The following GASK1A variants were observed in gnomAD, a reference collection of about 807,000 sequenced individuals.
GASK1A encodes the protein golgi associated kinase 1A, also known as Golgi-associated kinase 1A.
In GASK1A, 40 loss-of-function variants were observed where a neutral mutation model predicts 41.2. The observed-to-expected ratio is 0.97, with a 90% CI of 0.75 to 1.27. The LOEUF (loss-of-function observed/expected upper bound fraction) is 1.27. Among genes scored for constraint, GASK1A ranks in the 50% most tolerant of loss-of-function variants. GASK1A has a pLI of 0.00. For synonymous variants in GASK1A, 316 were observed against 307.1 expected (o/e 1.03, Z -0.30); for missense variants, 678 against 745.1 (o/e 0.91, Z 1.05).
chr3:43,030,475 C>G (rs2089569259), intron 1 of GASK1A, among the ~76,000 whole-genome samples: 1 of 152,252 alleles, frequency 6.6e-6, no homozygotes, highest in African/African-American at 2.4e-5. Flanking sequence ...GTGGCTACTG[C>G]TGTTCCTGGG....
chr3:43,010,790 C>T (rs1043592248), intron 1 of GASK1A, among the ~76,000 whole-genome samples: 1 of 152,202 alleles, frequency 6.6e-6, no homozygotes, highest in African/African-American at 2.4e-5. Flanking sequence ...GTTTCCATCA[C>T]ATAATAAGAT....
chr3:43,053,685 G>C, intron 3 of GASK1A, 42 bp downstream of exon 3: 3 of 1,550,770 alleles, frequency 1.9e-6, no homozygotes, highest in Non-Finnish European at 2.6e-6. Flanking sequence ...CCCAGACCCA[G>C]GTCTTTCTGT....
At chr3:43,037,953 A>T (rs1204545977) in intron 2 of GASK1A, among the ~76,000 whole-genome samples, 1 of 152,194 alleles carries the variant, frequency 6.6e-6, no homozygotes, top group Non-Finnish European at 1.5e-5. Context: ...TCTTTCTTAA[A>T]TTTCATCACT....
At position 43,053,520 on chromosome 3, in the gene GASK1A, G is replaced by A. The variant is rs1479496659; in HGVS notation, c.1291-1G>A. 1 of 1,543,586 alleles carries A rather than the reference G, an allele frequency of 6.5e-7. No individual in the cohort carries two copies. Among genetic ancestry groups the A allele is most frequent in the Non-Finnish European group, 8.8e-7 (1 of 1,141,554 alleles). ...CCACCGAAGGCTGGGTGTCTCCACA[G>A]GTCCACGACCGCTTGGATCGCTACT... On this transcript the variant is annotated splice_acceptor_variant, in intron 2 of 4. Transcript: ENST00000430121. LOFTEE classifies it high-confidence loss of function.
intron 1 of GASK1A, among the ~76,000 whole-genome samples, chr3:43,020,394 G>A (rs1242936576): frequency 6.6e-6 from 1 of 152,124 alleles, no homozygotes; most frequent in Non-Finnish European, 1.5e-5. Flanking sequence ...ATCTTACTGG[G>A]GAAACTGGTT....
In GASK1A at chr3:43,032,358, G is replaced by A. The variant is rs1238297647; in HGVS notation, c.95G>A (p.Arg32His). Residue 32 changes from arginine (R) to histidine (H), a missense_variant, in exon 2 of 5, where the codon CGC becomes CAC. Physicochemically the swap from Arg to His is conservative, Grantham distance 29. Coordinates refer to ENST00000430121, the MANE Select transcript of GASK1A (RefSeq NM_001129908.3). ...ATCCTATCTGCGATGGCTGTCACCC[G>A]CTTTCCCCCACAGCGTCCATCCGCC... is the stretch of plus-strand genomic sequence containing the variant. ...LMILSAMAVTRFPPQRPSAGP... is the reference protein window; with the variant it reads ...LMILSAMAVTHFPPQRPSAGP... 29 of 1,551,318 alleles carry A rather than the reference G, an allele frequency of 1.9e-5. No individual in the cohort carries two copies. The highest frequency in any genetic ancestry group is 7.3e-5 in the East Asian group (3 of 40,916).
intron 1 of GASK1A, among the ~76,000 whole-genome samples, chr3:43,010,624 T>C (rs1383218469): frequency 6.6e-6 from 1 of 152,242 alleles, no homozygotes; most frequent in East Asian, 1.9e-4. Flanking sequence ...CATTCCTTTC[T>C]TTCTTGCTTT....
chr3:43,044,023 A>G (rs1459044601), intron 2 of GASK1A, among the ~76,000 whole-genome samples: 1 of 151,276 alleles, frequency 6.6e-6, no homozygotes, highest in Non-Finnish European at 1.5e-5. Context: ...GGAAGCCAGC[A>G]CTGCACGCAT....
At chr3:43,030,172 C>CT (rs1158317614) in intron 1 of GASK1A, among the ~76,000 whole-genome samples, 1 of 152,206 alleles carries the variant, frequency 6.6e-6, no homozygotes, top group Admixed American at 6.5e-5. Flanking sequence ...CGCCCAGCTA[C>CT]TTTTTTGTAT....
intron 2 of GASK1A, among the ~76,000 whole-genome samples, chr3:43,052,295 T>C (rs2089695148): frequency 6.6e-6 from 1 of 152,156 alleles, no homozygotes; most frequent in Admixed American, 6.5e-5. Context: ...GGCGGCAGCT[T>C]CACTGAAGGA....
chr3:42,999,227 G>A (rs2089393527), intron 1 of GASK1A, among the ~76,000 whole-genome samples: 1 of 152,150 alleles, frequency 6.6e-6, no homozygotes, highest in South Asian at 2.1e-4. Context: ...TGGGAATGAA[G>A]CCAATTTGGA....
chr3:43,011,691 AG>A (rs1442562021), intron 1 of GASK1A, among the ~76,000 whole-genome samples: 1 of 152,146 alleles, frequency 6.6e-6, no homozygotes, highest in Non-Finnish European at 1.5e-5. Context: ...GTGAAGTCAC[AG>A]GAAGGGGCTG....
intron 2 of GASK1A, among the ~76,000 whole-genome samples, chr3:43,041,567 G>A (rs1340834216): frequency 6.6e-6 from 1 of 152,048 alleles, no homozygotes; most frequent in African/African-American, 2.4e-5. Context: ...TACATGTTCT[G>A]GCTGGTAGCT....
intron 2 of GASK1A, among the ~76,000 whole-genome samples, chr3:43,048,971 C>T (rs1270145941): frequency 6.6e-6 from 1 of 152,108 alleles, no homozygotes; most frequent in Non-Finnish European, 1.5e-5. Context: ...AGAAAAGAAT[C>T]TACATTTGGT....
chr3:43,008,152 C>T (rs1397717743), intron 1 of GASK1A, among the ~76,000 whole-genome samples: 1 of 152,232 alleles, frequency 6.6e-6, no homozygotes, highest in African/African-American at 2.4e-5. Context: ...AAGAAACTGA[C>T]ATAAGCTGTC....
intron 1 of GASK1A, among the ~76,000 whole-genome samples, chr3:42,990,939 A>G (rs1014941575): frequency 4.6e-5 from 7 of 152,090 alleles, no homozygotes; most frequent in Non-Finnish European, 8.8e-5. Flanking sequence ...TGGGGGAACT[A>G]TGGGCATGTA....
chr3:43,015,511 G>T (rs753530885), intron 1 of GASK1A, among the ~76,000 whole-genome samples: 26 of 150,672 alleles, frequency 1.7e-4, no homozygotes, highest in Non-Finnish European at 3.4e-4. Flanking sequence ...GCAGTGTGAA[G>T]CCATAGGAAG....
intron 1 of GASK1A, among the ~76,000 whole-genome samples, chr3:42,994,199 G>C (rs2089357200): frequency 9.0e-6 from 1 of 111,320 alleles, no homozygotes; most frequent in African/African-American, 2.8e-5. Context: ...GTTGCATCAA[G>C]CATGGTCCCA....
chr3:43,054,958 C>G (rs1382577137), intron 3 of GASK1A, among the ~76,000 whole-genome samples: 1 of 152,176 alleles, frequency 6.6e-6, no homozygotes, highest in Non-Finnish European at 1.5e-5. Flanking sequence ...TGCGATGCCC[C>G]TCACAGCCGG....
Sources: allele counts gnomAD v4.1 joint callset (sites outside exome capture counted in the v4.1 genomes callset), GRCh38; gene constraint gnomAD v4.1.1; transcripts MANE v1.5; gene names NCBI Gene and HGNC (gene_info 2026-07-23, HGNC 2026-07-21).